Variants in ZNF563 observed in about 807,000 individuals in gnomAD.
ZNF563 encodes the protein zinc finger protein 563.
Under a neutral mutation model 48.5 loss-of-function variants are expected in ZNF563, and 39 were observed. The observed-to-expected ratio is 0.80, with a 90% CI of 0.62 to 1.05. The LOEUF is 1.05. Ranked by LOEUF, ZNF563 falls within the 50% of genes least tolerant of loss-of-function variation. The pLI is 0.00. For synonymous variants in ZNF563, 168 were observed against 187.9 expected, an observed-to-expected ratio of 0.89 and a Z score of 0.87; for missense variants, 538 against 597.0, an observed-to-expected ratio of 0.90 and a Z score of 1.03.
At chr19:12,323,308 C>T (rs916435799) in intron 1 of ZNF563, among the ~76,000 whole-genome samples, 4 of 152,112 alleles carry the variant, frequency 2.6e-5, no homozygotes, top group Admixed American at 6.5e-5. Flanking sequence ...AATGGTTGTC[C>T]CCTCCAAAAC....
In ZNF563 at chr19:12,318,395, T is replaced by TA. The variant is rs112725015; in HGVS notation, c.*198dup. 0.19 allele frequency: 114,621 copies of TA among 615,292 alleles called. 9,431 individuals are homozygous for TA. The highest frequency in any genetic ancestry group is 0.3 in the African/African-American group (16,015 of 53,642). The allele number at this position is 615,292 out of a possible 1,614,324, so 38.1% of individuals were successfully genotyped here. ...AGTTGTTTTATGTTGACAATGGTGT[T>TA]AAAAAAAAATCGATCACTTTCCCAC... On this transcript the variant is annotated 3_prime_UTR_variant, in exon 4 of 4. Transcript: ENST00000293725.
At chr19:12,342,947 C>G in the ZNF563 span, among the ~76,000 whole-genome samples, 1 of 151,690 alleles carries the variant, frequency 6.6e-6, no homozygotes, top group Non-Finnish European at 1.5e-5. Flanking sequence ...CCTGTAATCC[C>G]AGCACTTTGG....
rs945401112 is a variant in ZNF563, at chr19:12,326,585, A to T, written c.4-3874T>A. 6.6e-5 allele frequency among the ~76,000 whole-genome samples: 10 copies of T among 152,148 alleles called. No individual in the cohort carries two copies. In the East Asian group the frequency reaches 1.9e-3, roughly 29 times the overall value. ...CTTGAACCTGGGAGGTGGAGGTTGC[A>T]GTGAGCCAAGATTGTGCCACTGCAC... On this transcript the variant is annotated intron_variant, in intron 1 of 3. Transcript: ENST00000293725.
In ZNF563 at chr19:12,318,993, T is replaced by G. The variant is rs780361191; in HGVS notation, c.1032A>C (p.Lys344Asn). The G allele has an allele frequency of 5.6e-6, 9 of 1,614,128 alleles. No homozygotes were observed. The highest frequency in any genetic ancestry group is 7.6e-6 in the Non-Finnish European group (9 of 1,180,048). Residue 344 changes from lysine to asparagine, a missense_variant, in exon 4 of 4, where the codon AAA becomes AAC. By Grantham distance (94) the Lys-to-Asn change is moderately conservative. Transcript: ENST00000293725. ...GAACTAAACTGGGACGATCAAAGCC[T>G]TTCCCACATATCTTACATTTATGAG... ...DRPHKCKICG[K>N]GFDRPSLVRY...
chr19:12,336,821 C>G (rs1434124482), upstream of ZNF563, among the ~76,000 whole-genome samples: 1 of 152,092 alleles, frequency 6.6e-6, no homozygotes, highest in Non-Finnish European at 1.5e-5. Context: ...CATCTGAAAC[C>G]CCCTCTCAAC....
rs144485887 is a variant in ZNF563, at chr19:12,331,156, A to G, written c.3+2324T>C. ...TCCCTTTAGAAACATCTTCTCTATC[A>G]ATCTCTAATGATAGAATGCATTTTA... is the stretch of plus-strand genomic sequence containing the variant. On this transcript the variant is annotated intron_variant, in intron 1 of 3. Coordinates refer to ENST00000293725, the MANE Select transcript of ZNF563 (RefSeq NM_145276.3). 3.2e-4 allele frequency among the ~76,000 whole-genome samples: 48 copies of G among 152,356 alleles called. No homozygotes were observed. In the East Asian group the frequency reaches 6.6e-3, roughly 21 times the overall value.
chr19:12,331,693 C>T (rs549155507), intron 1 of ZNF563, among the ~76,000 whole-genome samples: 9 of 152,332 alleles, frequency 5.9e-5, no homozygotes, highest in South Asian at 2.1e-4. Flanking sequence ...CTCAGGCTGT[C>T]CTCTGGGAGG....
chr19:12,344,514 A>T, the ZNF563 span, among the ~76,000 whole-genome samples: 2 of 152,218 alleles, frequency 1.3e-5, no homozygotes, highest in Non-Finnish European at 2.9e-5. Flanking sequence ...ACAAAATTAA[A>T]TACCTTATGT....
intron 1 of ZNF563, among the ~76,000 whole-genome samples, chr19:12,328,020 C>T (rs1253829994): frequency 6.6e-6 from 1 of 152,282 alleles, no homozygotes; most frequent in Non-Finnish European, 1.5e-5. Flanking sequence ...AAATCACTAA[C>T]GATATGGCTG....
intron 1 of ZNF563, among the ~76,000 whole-genome samples, chr19:12,324,741 A>G (rs1222200535): frequency 1.3e-5 from 2 of 151,708 alleles, no homozygotes; most frequent in South Asian, 4.1e-4. Flanking sequence ...AAAAAAAAAA[A>G]AAACCCTCTC....
intron 1 of ZNF563, among the ~76,000 whole-genome samples, chr19:12,329,472 C>CA (rs754295632): frequency 0.043 from 3,245 of 75,558 alleles, 152 homozygotes; most frequent in African/African-American, 0.13. Flanking sequence ...GACTCCATCT[C>CA]AAAAAAAAAA....
the ZNF563 span, among the ~76,000 whole-genome samples, chr19:12,344,489 C>T: frequency 1.3e-5 from 2 of 151,504 alleles, no homozygotes; most frequent in Non-Finnish European, 2.9e-5. Flanking sequence ...TCAAATGATA[C>T]AGAAAAATAA....
rs1340344858 is a variant in ZNF563, at chr19:12,318,569, T to C, written c.*25A>G. 1.3e-6 allele frequency: 2 copies of C among 1,589,796 alleles called. No homozygotes were observed. The highest frequency in any genetic ancestry group is 1.8e-5 in the Admixed American group (1 of 56,680). On this transcript the variant is annotated 3_prime_UTR_variant, in exon 4 of 4. Transcript: ENST00000293725. ...ATGATATCAAAGGGAACTGGAAATA[T>C]AGAAGGCTTTATAATAGTTTACATT...
At chr19:12,345,582 T>C in the ZNF563 span, among the ~76,000 whole-genome samples, 1 of 152,192 alleles carries the variant, frequency 6.6e-6, no homozygotes, top group Non-Finnish European at 1.5e-5. Context: ...TAGTAACTTA[T>C]ATTTAATCAA....
upstream of ZNF563, among the ~76,000 whole-genome samples, chr19:12,334,262 T>C (rs1190171536): frequency 6.6e-6 from 1 of 151,828 alleles, no homozygotes; most frequent in Non-Finnish European, 1.5e-5. Context: ...CAGCAATAAA[T>C]GAATGAATGA....
At chr19:12,341,559 G>C in the ZNF563 span, among the ~76,000 whole-genome samples, 3 of 152,070 alleles carry the variant, frequency 2.0e-5, no homozygotes, top group African/African-American at 7.2e-5. Flanking sequence ...AATAGAACAG[G>C]GGGGGCTACA....
intron 1 of ZNF563, among the ~76,000 whole-genome samples, chr19:12,328,995 G>C (rs1968860636): frequency 6.6e-6 from 1 of 152,064 alleles, no homozygotes; most frequent in African/African-American, 2.4e-5. Context: ...CTGGAATGCA[G>C]AAAAGGCAGT....
rs1327051683 is a variant in ZNF563 at position 12,318,055 on chromosome 19, G to A, written c.*539C>T. On this transcript the variant is annotated 3_prime_UTR_variant, in exon 4 of 4. Coordinates refer to ENST00000293725, the MANE Select transcript of ZNF563 (RefSeq NM_145276.3). The stretch of plus-strand genomic sequence containing the variant: ...AGGGTCTGGCTCTGTCGCCCAGGCT[G>A]GGGTGCAGTGCATCTTGGCTCACTG... The A allele has an allele frequency of 1.3e-5, 2 of 153,236 alleles. No homozygotes were observed. The highest frequency in any genetic ancestry group is 1.3e-4 in the Admixed American group (2 of 15,260). The allele number at this position is 153,236 out of a possible 1,614,324, so 9.5% of individuals were successfully genotyped here.
In ZNF563 at chr19:12,333,489, G is replaced by T; in HGVS notation, c.-7C>A. ...GACCCTGCACACGCACCATTTCCCG[G>T]CTTCCGGGATGTTCCAGGGTCCTCC... On this transcript the variant is annotated 5_prime_UTR_variant, in exon 1 of 4. Coordinates refer to ENST00000293725, the MANE Select transcript of ZNF563 (RefSeq NM_145276.3). 1.9e-6 allele frequency: 3 copies of T among 1,613,262 alleles called. No individual in the cohort carries two copies. The highest frequency in any genetic ancestry group is 2.5e-6 in the Non-Finnish European group (3 of 1,179,634).
Sources: gnomAD v4.1 joint callset for allele counts (sites outside exome capture counted in the v4.1 genomes callset) on GRCh38, gnomAD v4.1.1 for gene constraint, MANE v1.5 for transcripts, NCBI Gene and HGNC (gene_info 2026-07-23, HGNC 2026-07-21) for gene names.